CENPC: variants seen among roughly 807,000 people sequenced by gnomAD.
CENPC encodes the protein centromere protein C, also known as CENP-C 1.
A neutral mutation model predicts 112.1 loss-of-function variants in CENPC; 63 were observed. That is an observed-to-expected ratio of 0.56 (90% CI 0.46 to 0.69). The LOEUF (loss-of-function observed/expected upper bound fraction) is 0.69. Ranked by LOEUF, CENPC falls within the 30% of genes least tolerant of loss-of-function variation. The probability of loss-of-function intolerance (pLI) is 0.00; values close to 1 mark genes in which losing one functional copy is unlikely to be tolerated. For synonymous variants in CENPC, 333 were observed against 367.6 expected (o/e 0.91, Z 1.08); for missense variants, 1,000 against 1,103.8 (o/e 0.91, Z 1.33).
chr4:67,515,510 T>C (rs941184540), intron 7 of CENPC, among the ~76,000 whole-genome samples: 5 of 151,490 alleles, frequency 3.3e-5, no homozygotes, highest in African/African-American at 1.2e-4. Flanking sequence ...TGGGGACAAT[T>C]TCTTCCTATC....
In CENPC at chr4:67,472,580, C is replaced by T. The variant is rs144515314; in HGVS notation, c.*25G>A. On this transcript the variant is annotated 3_prime_UTR_variant, in exon 19 of 19. Coordinates refer to ENST00000273853, the MANE Select transcript of CENPC (RefSeq NM_001812.4). Reference sequence around the variant, plus strand: ...TTTTTCACATATACATATATACATACATATATTTAAGGTTGGTTGATCTTT... The same window carrying T: ...TTTTTCACATATACATATATACATATATATATTTAAGGTTGGTTGATCTTT... 1,142 of 1,459,958 alleles carry T rather than the reference C, an allele frequency of 7.8e-4. 5 individuals carry two copies. The African/African-American group carries it at 0.015, about 20-fold the overall frequency. 90.4% of individuals were successfully genotyped at this position (1,459,958 alleles called of 1,614,324 possible).
chr4:67,497,234 C>T (rs947873223), intron 12 of CENPC, among the ~76,000 whole-genome samples: 3 of 151,672 alleles, frequency 2.0e-5, no homozygotes, highest in African/African-American at 7.3e-5. Flanking sequence ...AAAAATTAGC[C>T]GGGCATGGTG....
At chr4:67,515,511 T>C (rs1056072027) in intron 7 of CENPC, among the ~76,000 whole-genome samples, 1 of 151,714 alleles carries the variant, frequency 6.6e-6, no homozygotes, top group African/African-American at 2.4e-5. Context: ...GGGGACAATT[T>C]CTTCCTATCT....
intron 10 of CENPC, among the ~76,000 whole-genome samples, chr4:67,507,932 A>G (rs950979635): frequency 1.3e-5 from 2 of 152,114 alleles, no homozygotes; most frequent in Non-Finnish European, 2.9e-5. Flanking sequence ...CACTATAATG[A>G]TATACGCTAA....
At chr4:67,484,937 CA>C (rs1725053883) in intron 17 of CENPC, among the ~76,000 whole-genome samples, 1 of 152,010 alleles carries the variant, frequency 6.6e-6, no homozygotes, top group African/African-American at 2.4e-5. Flanking sequence ...ATGAAAAATA[CA>C]AAAAATTAGC....
chr4:67,508,851 C>T lies in CENPC; in HGVS notation c.1867G>A (p.Ala623Thr). The change falls in exon 10 of 19, where the codon GCA becomes ACA. Residue 623 changes from alanine (A) to threonine (T), a missense_variant. Transcript: ENST00000273853. Reference protein sequence around the residue: ...SLSEPLESDEADLAKKKNLDC... With the variant: ...SLSEPLESDETDLAKKKNLDC... ...AGATTTTTCTTCTTAGCCAAGTCTG[C>T]CTCATCACTTTCCAATGGCTCACTC... The T allele has an allele frequency of 6.2e-7, 1 of 1,613,508 alleles. No homozygotes were observed. The highest frequency in any genetic ancestry group is 8.5e-7 in the Non-Finnish European group (1 of 1,179,668).
chr4:67,541,847 T>C (rs1222823334), intron 2 of CENPC, among the ~76,000 whole-genome samples: 1 of 152,212 alleles, frequency 6.6e-6, no homozygotes, highest in Non-Finnish European at 1.5e-5. Context: ...ATCTCCTTCC[T>C]GCCTCCTCTC....
At chr4:67,490,181 A>G in intron 16 of CENPC, 60 bp from the exon 17 acceptor site, 1 of 1,084,188 alleles carries the variant, frequency 9.2e-7, no homozygotes, top group South Asian at 1.9e-5. Flanking sequence ...ATGATATAAC[A>G]TATACACATA....
chr4:67,530,988 A>C, intron 4 of CENPC, 74 bp from the exon 5 acceptor site: 1 of 663,658 alleles, frequency 1.5e-6, no homozygotes, highest in East Asian at 3.3e-5. Flanking sequence ...TTTGTTTTTT[A>C]AATGGGGGGA....
intron 4 of CENPC, among the ~76,000 whole-genome samples, chr4:67,533,727 T>C (rs966056197): frequency 1.3e-5 from 2 of 152,092 alleles, no homozygotes; most frequent in African/African-American, 2.4e-5. Context: ...ATTAGTAGAA[T>C]TGCAAGACAC....
At chr4:67,509,205 C>T (rs951343774) in intron 9 of CENPC, 100 bp from the exon 10 acceptor site, 3 of 499,256 alleles carry the variant, frequency 6.0e-6, no homozygotes, top group African/African-American at 3.1e-5. Context: ...AACATATACA[C>T]ATACACACAC....
chr4:67,514,357 C>A lies in CENPC; in HGVS notation c.1161G>T (p.Leu387Phe), dbSNP rs764916238. The stretch of plus-strand genomic sequence containing the variant: ...TATAATTATTTACTGTTTCACCTAT[C>A]AAAGCATAACTTGTATCCAGTACTG... Reference protein sequence around the residue: ...DKTVLDTSYALIGETVNNYRS... With the variant: ...DKTVLDTSYAFIGETVNNYRS... Residue 387 changes from leucine (L) to phenylalanine (F), a missense_variant, in exon 8 of 19, where the codon TTG becomes TTT. By Grantham distance (22) the Leu-to-Phe change is conservative. Transcript: ENST00000273853. The A allele has an allele frequency of 2.5e-6, 4 of 1,612,728 alleles. No homozygotes were observed. In the Admixed American group the frequency reaches 6.7e-5, roughly 27 times the overall value.
At position 67,474,937 on chromosome 4, in the gene CENPC, A is replaced by G. The variant is rs750127517; in HGVS notation, c.2712T>C (p.His904=). 1.3e-6 allele frequency: 2 copies of G among 1,581,768 alleles called. No individual in the cohort carries two copies. Among genetic ancestry groups the G allele is most frequent in the Admixed American group, 1.8e-5 (1 of 56,224 alleles). The change falls in exon 18 of 19, where the codon CAT becomes CAC. Residue 904 remains histidine, a synonymous_variant. Transcript: ENST00000273853. ...VNFGDLLCTL[H]ETPYILSTGD... ...CAGTACTTAATATATAAGGTGTTTC[A>G]TGTAAAGTACACAAAAGGTCACCAA...
chr4:67,509,114 T>C lies in CENPC; in HGVS notation c.1613-9A>G, dbSNP rs1220725456. On this transcript the variant is annotated splice_polypyrimidine_tract_variant and intron_variant, in intron 9 of 18. Transcript: ENST00000273853. ...ATTGCTATAAACAGGACCTGAAGGATTCAATGATAACCTAAAGTTAGTAAG... is the reference window on the plus strand; with the variant it reads ...ATTGCTATAAACAGGACCTGAAGGACTCAATGATAACCTAAAGTTAGTAAG... 1 of 1,592,026 alleles carries C rather than the reference T, an allele frequency of 6.3e-7. No individual in the cohort carries two copies. The highest frequency in any genetic ancestry group is 1.1e-5 in the South Asian group (1 of 89,556).
Position 67,509,157 on chromosome 4 carries a change from G to A in CENPC, c.1613-52C>T. 3.8e-6 allele frequency: 5 copies of A among 1,328,398 alleles called. No homozygotes were observed. In the South Asian group the frequency reaches 6.6e-5, roughly 18 times the overall value. The allele number at this position is 1,328,398 out of a possible 1,614,324, so 82.3% of individuals were successfully genotyped here. A position where few individuals can be genotyped will look rare whatever the true frequency, so the allele number is the denominator to read the frequency against. On this transcript the variant is annotated intron_variant, in intron 9 of 18. Transcript: ENST00000273853. ...TTAGTAAGTTTGTCCAGATGATTTG[G>A]CTCACTGAAATACCAACAGCATTTA... is the stretch of plus-strand genomic sequence containing the variant.
rs563891782 is a variant in CENPC at position 67,472,736 on chromosome 4, A to C, written c.2762-61T>G. On this transcript the variant is annotated intron_variant, in intron 18 of 18. Coordinates refer to ENST00000273853, the MANE Select transcript of CENPC (RefSeq NM_001812.4). ...ACATATGAATCATTCTTTTTGATTA[A>C]GTATGTAGTCATCACCTGACAGTTG... The C allele has an allele frequency of 5.0e-6, 7 of 1,386,886 alleles. No homozygotes were observed. The South Asian group carries it at 1.3e-4, about 25-fold the overall frequency. The allele number at this position is 1,386,886 out of a possible 1,614,324, so 85.9% of individuals were successfully genotyped here.
intron 17 of CENPC, among the ~76,000 whole-genome samples, chr4:67,479,667 G>A (rs572882188): frequency 1.3e-5 from 2 of 152,236 alleles, no homozygotes; most frequent in South Asian, 2.1e-4. Flanking sequence ...CAAGGAGCTA[G>A]AGAAATAAAA....
Position 67,492,905 on chromosome 4 carries a change from T to C in CENPC, c.2383A>G (p.Asn795Asp), listed in dbSNP as rs201718172. 2.2e-4 allele frequency: 350 copies of C among 1,569,748 alleles called. No homozygotes were observed. The African/African-American group carries it at 3.3e-3, about 15-fold the overall frequency. ...ENIGKVNKKS[N>D]KKRICLDNDE... ...TTATCAAGACAGATCCTTTTCTTAT[T>C]AGATTTTTTGTTGACTTTTCCAATA... is the stretch of plus-strand genomic sequence containing the variant. The change falls in exon 15 of 19, where the codon AAT becomes GAT. Residue 795 changes from asparagine to aspartate, a missense_variant. Physicochemically the swap from Asn to Asp is conservative, Grantham distance 23. Coordinates refer to ENST00000273853, the MANE Select transcript of CENPC (RefSeq NM_001812.4).
chr4:67,495,011 T>G (rs1725390935), intron 13 of CENPC, 148 bp downstream of exon 13: 1 of 797,022 alleles, frequency 1.3e-6, no homozygotes, highest in Non-Finnish European at 1.8e-6. Context: ...ATGAAATTCA[T>G]AAAAACTAAG....
Sources: allele counts gnomAD v4.1 joint callset (sites outside exome capture counted in the v4.1 genomes callset), GRCh38; gene constraint gnomAD v4.1.1; transcripts MANE v1.5; gene names NCBI Gene and HGNC (gene_info 2026-07-23, HGNC 2026-07-21).